Variants in ANXA11 observed in about 807,000 individuals in gnomAD.
ANXA11 encodes annexin A11.
A neutral mutation model predicts 64.7 loss-of-function variants in ANXA11; 57 were observed. The ratio of observed to expected loss-of-function variants is 0.88; its 90% CI spans 0.71 to 1.10. The LOEUF is 1.10. Among genes scored for constraint, ANXA11 ranks in the 50% least tolerant of loss-of-function variants. The pLI is 0.00. For missense variants in ANXA11, 675 were observed against 670.7 expected (o/e 1.01, Z -0.07); for synonymous variants, 260 against 265.2 (o/e 0.98, Z 0.19).
In ANXA11 at chr10:80,175,030, G is replaced by C. The variant is rs560809426; in HGVS notation, c.-9+1077C>G. Among the ~76,000 whole-genome samples, 20 of 152,330 alleles carry C rather than the reference G, an allele frequency of 1.3e-4. No individual in the cohort carries two copies. In the South Asian group the frequency reaches 3.7e-3, roughly 28 times the overall value. On this transcript the variant is annotated intron_variant, in intron 2 of 15. Coordinates refer to ENST00000422982, the MANE Select transcript of ANXA11 (RefSeq NM_145868.2). ...AGAAAGCTGGAATTGGCTCCCTGTA[G>C]TGTGGACCAAGGACCTACTCCTTGC...
intron 12 of ANXA11, among the ~76,000 whole-genome samples, chr10:80,159,662 C>T (rs573405296): frequency 1.8e-4 from 28 of 152,318 alleles, no homozygotes; most frequent in African/African-American, 5.8e-4. Context: ...ACACCCTGCA[C>T]GTCCCCAGGC....
chr10:80,155,919 A>G lies in ANXA11; in HGVS notation c.1459-7T>C. On this transcript the variant is annotated splice_polypyrimidine_tract_variant and splice_region_variant and intron_variant, in intron 15 of 15. Coordinates refer to ENST00000422982, the MANE Select transcript of ANXA11 (RefSeq NM_145868.2). Reference sequence around the variant, plus strand: ...AATCCCCTGAAGTATCTCCCTGGCCACAGAAACAAGGAAGACATCCGTTAA... The same window carrying G: ...AATCCCCTGAAGTATCTCCCTGGCCGCAGAAACAAGGAAGACATCCGTTAA... 1 of 1,613,960 alleles carries G rather than the reference A, an allele frequency of 6.2e-7. No individual in the cohort carries two copies. The highest frequency in any genetic ancestry group is 1.1e-5 in the South Asian group (1 of 91,080).
At chr10:80,190,418 T>C (rs1846721530) in intron 1 of ANXA11, among the ~76,000 whole-genome samples, 1 of 152,192 alleles carries the variant, frequency 6.6e-6, no homozygotes, top group Admixed American at 6.5e-5. Flanking sequence ...CACATTGTAT[T>C]CATAGATTAT....
intron 1 of ANXA11, among the ~76,000 whole-genome samples, chr10:80,189,907 C>T (rs1049031011): frequency 1.3e-5 from 2 of 151,372 alleles, no homozygotes; most frequent in Non-Finnish European, 2.9e-5. Context: ...AACAAGATCT[C>T]CACATAAAAA....
At position 80,164,097 on chromosome 10, in the gene ANXA11, C is replaced by T. The variant is rs140133265; in HGVS notation, c.905G>A (p.Arg302His). The T allele has an allele frequency of 3.3e-4, 537 of 1,614,098 alleles. 8 individuals are homozygous for T. The South Asian group carries it at 4.0e-3, about 12-fold the overall frequency. ...TAATTCTCGGATGTGCTCATTGCTGCGGGAAGCGAGGATCTCAATCAGGCA... is the reference window on the plus strand; with the variant it reads ...TAATTCTCGGATGTGCTCATTGCTGTGGGAAGCGAGGATCTCAATCAGGCA... ...EACLIEILASRSNEHIRELNR... is the reference protein window; with the variant it reads ...EACLIEILASHSNEHIRELNR... Residue 302 changes from arginine to histidine, a missense_variant, in exon 9 of 16, where the codon CGC becomes CAC. Physicochemically the swap from Arg to His is conservative, Grantham distance 29 (BLOSUM62 0). Coordinates refer to ENST00000422982, the MANE Select transcript of ANXA11 (RefSeq NM_145868.2).
chr10:80,185,501 A>G (rs1003999881), intron 1 of ANXA11, among the ~76,000 whole-genome samples: 23 of 152,204 alleles, frequency 1.5e-4, no homozygotes, highest in African/African-American at 5.3e-4. Flanking sequence ...GAAACTGCCA[A>G]TTTGCAACAG....
intron 1 of ANXA11, among the ~76,000 whole-genome samples, chr10:80,183,783 G>A (rs1169419076): frequency 6.6e-6 from 1 of 152,206 alleles, no homozygotes; most frequent in East Asian, 1.9e-4. Flanking sequence ...GGTCTGCCAA[G>A]GCCACTCCTC....
In ANXA11 at chr10:80,167,329, G is replaced by A; in HGVS notation, c.562-16C>T. The A allele has an allele frequency of 1.2e-6, 2 of 1,613,022 alleles. No individual in the cohort carries two copies. Among genetic ancestry groups the A allele is most frequent in the Non-Finnish European group, 1.7e-6 (2 of 1,179,028 alleles). Reference sequence around the variant, plus strand: ...GGCTTCCAAACTACTCGGACAAACAGTCTCAGGTAAGATGTCGTGCATGCC... The same window carrying A: ...GGCTTCCAAACTACTCGGACAAACAATCTCAGGTAAGATGTCGTGCATGCC... On this transcript the variant is annotated splice_polypyrimidine_tract_variant and intron_variant, in intron 5 of 15. Transcript: ENST00000422982.
In ANXA11 at chr10:80,172,849, C is replaced by T; in HGVS notation, c.13G>A (p.Gly5Ser). The stretch of plus-strand genomic sequence containing the variant: ...TAGCCACCTGGGGGCGGGGGATAGC[C>T]AGGGTAGCTCATGGTTAGATCTGGA... MSYP[G>S]YPPPPGGYPP... is the part of the protein sequence containing the mutation. The change falls in exon 3 of 16, where the codon GGC becomes AGC. Residue 5 changes from glycine to serine, a missense_variant. Physicochemically the swap from Gly to Ser is moderately conservative, Grantham distance 56 (BLOSUM62 0). Transcript: ENST00000422982. 1 of 1,613,998 alleles carries T rather than the reference C, an allele frequency of 6.2e-7. No homozygotes were observed. The highest frequency in any genetic ancestry group is 8.5e-7 in the Non-Finnish European group (1 of 1,179,950).
chr10:80,192,785 A>G (rs1192321329), intron 1 of ANXA11, among the ~76,000 whole-genome samples: 1 of 152,208 alleles, frequency 6.6e-6, no homozygotes, highest in African/African-American at 2.4e-5. Context: ...AGCCAGCTAA[A>G]TTATCCACTA....
At chr10:80,156,036 C>A in intron 15 of ANXA11, 124 bp from the exon 16 acceptor site, 1 of 906,752 alleles carries the variant, frequency 1.1e-6, no homozygotes, top group East Asian at 2.4e-5. Context: ...GAATTTTCTC[C>A]CACTGCAGGT....
chr10:80,189,045 G>A (rs971015514), intron 1 of ANXA11, among the ~76,000 whole-genome samples: 1 of 152,162 alleles, frequency 6.6e-6, no homozygotes, highest in Non-Finnish European at 1.5e-5. Context: ...GACATCCCCG[G>A]TACCTGTGAA....
At chr10:80,187,071 G>A (rs1449045942) in intron 1 of ANXA11, among the ~76,000 whole-genome samples, 4 of 152,260 alleles carry the variant, frequency 2.6e-5, no homozygotes, top group African/African-American at 4.8e-5. Flanking sequence ...CCTGGAGGAC[G>A]CTGAGGTTCT....
At chr10:80,166,288 A>G (rs1225173512) in intron 7 of ANXA11, 91 bp from the exon 8 acceptor site, 3 of 731,034 alleles carry the variant, frequency 4.1e-6, no homozygotes, top group Non-Finnish European at 6.9e-6. Flanking sequence ...GCCATATCCC[A>G]GATTTGAGGA....
chr10:80,170,216 C>T (rs1464415731), intron 4 of ANXA11, among the ~76,000 whole-genome samples: 1 of 152,092 alleles, frequency 6.6e-6, no homozygotes, highest in Non-Finnish European at 1.5e-5. Flanking sequence ...TTCACATATC[C>T]CCAGTGCCTA....
rs973606730 is a variant in ANXA11 at position 80,157,239 on chromosome 10, C to G, written c.1458+402G>C. ...CCCCAGGGCCCTCGCTCTGAACGGC[C>G]TTACTATGTGGCCTACGCCATAAAG... On this transcript the variant is annotated intron_variant, in intron 15 of 15. Coordinates refer to ENST00000422982, the MANE Select transcript of ANXA11 (RefSeq NM_145868.2). The G allele has an allele frequency of 7.1e-6, 7 of 985,288 alleles. No individual in the cohort carries two copies. In the African/African-American group the frequency reaches 1.0e-4, roughly 15 times the overall value. 61.0% of individuals were successfully genotyped at this position (985,288 alleles called of 1,614,324 possible).
At chr10:80,171,341 G>A (rs1192112987) in intron 3 of ANXA11, 2 of 799,760 alleles carry the variant, frequency 2.5e-6, no homozygotes, top group East Asian at 2.5e-4. Flanking sequence ...TGGCGGGAGG[G>A]GGTTTGGCTG....
rs376029006 is a variant in ANXA11 at position 80,184,132 on chromosome 10, C to T, written c.-57-7977G>A. ...CCTCAAGGCCCATCTTGATTCATCC[C>T]GAACCCCACCCACACCCCTGTATTG... On this transcript the variant is annotated intron_variant, in intron 1 of 15. Coordinates refer to ENST00000422982, the MANE Select transcript of ANXA11 (RefSeq NM_145868.2). Among the ~76,000 whole-genome samples the T allele has an allele frequency of 4.6e-5, 7 of 152,294 alleles. No homozygotes were observed. The East Asian group carries it at 7.7e-4, about 17-fold the overall frequency.
At chr10:80,170,957 C>T (rs374973029) in intron 3 of ANXA11, 42 bp from the exon 4 acceptor site, 5 of 1,557,704 alleles carry the variant, frequency 3.2e-6, no homozygotes, top group African/African-American at 2.8e-5. Context: ...GCCAGTCCCC[C>T]ACCACACGGG....
Sources: gnomAD v4.1 joint callset for allele counts (sites outside exome capture counted in the v4.1 genomes callset) on GRCh38, gnomAD v4.1.1 for gene constraint, MANE v1.5 for transcripts, NCBI Gene and HGNC (gene_info 2026-07-23, HGNC 2026-07-21) for gene names.